Variants in PDZD2 observed in about 807,000 individuals in gnomAD.
PDZD2 encodes the protein PDZ domain containing 2.
PDZD2 carries 90 observed loss-of-function variants against 220.7 expected under a neutral mutation model. That is an observed-to-expected ratio of 0.41 (90% CI 0.34 to 0.49). The LOEUF (loss-of-function observed/expected upper bound fraction) is 0.49. Among genes scored for constraint, PDZD2 ranks in the 20% least tolerant of loss-of-function variants. The pLI is 0.28. For synonymous variants in PDZD2, 1,375 were observed against 1,450.5 expected, an observed-to-expected ratio of 0.95 and a Z score of 1.18; for missense variants, 3,174 against 3,608.5, an observed-to-expected ratio of 0.88 and a Z score of 3.08.
At chr5:31,685,817 A>G (rs915090605) in intron 1 of PDZD2, among the ~76,000 whole-genome samples, 2 of 151,702 alleles carry the variant, frequency 1.3e-5, no homozygotes, top group Non-Finnish European at 2.9e-5. Flanking sequence ...CACCGCACCC[A>G]GCCCATATTA....
At chr5:31,974,377 T>G (rs182373947) in intron 2 of PDZD2, among the ~76,000 whole-genome samples, 1 of 152,266 alleles carries the variant, frequency 6.6e-6, no homozygotes, top group Admixed American at 6.5e-5. Context: ...AAAAATTATT[T>G]TCAATATTGG....
At chr5:31,841,274 G>A (rs568846109) in intron 2 of PDZD2, among the ~76,000 whole-genome samples, 3 of 152,238 alleles carry the variant, frequency 2.0e-5, no homozygotes, top group African/African-American at 7.2e-5. Flanking sequence ...ACACATCTGT[G>A]GGTATGAACT....
At chr5:31,954,194 G>T (rs1561178009) in intron 2 of PDZD2, among the ~76,000 whole-genome samples, 2 of 152,106 alleles carry the variant, frequency 1.3e-5, no homozygotes, top group African/African-American at 2.4e-5. Context: ...TACTCAGTCT[G>T]CTTCTCCACC....
Position 32,097,369 on chromosome 5 carries a change from A to AAATC in PDZD2, c.7942_7945dup (p.Thr2649AsnfsTer105). The AAATC allele has an allele frequency of 6.2e-7, 1 of 1,603,956 alleles. No individual in the cohort carries two copies. The highest frequency in any genetic ancestry group is 1.1e-5 in the South Asian group (1 of 90,838). ...GGCAGGAGGGACAGATGTGGAGCCA[A>AAATC]AATCAATCACGGTAAGTGACAGAGT... is the stretch of plus-strand genomic sequence containing the variant. On this transcript the variant is annotated frameshift_variant, in exon 22 of 25. Transcript: ENST00000438447. LOFTEE classifies it high-confidence loss of function.
At chr5:31,953,824 G>A (rs1273385060) in intron 2 of PDZD2, among the ~76,000 whole-genome samples, 1 of 152,048 alleles carries the variant, frequency 6.6e-6, no homozygotes, top group Non-Finnish European at 1.5e-5. Context: ...GCTAATTTTT[G>A]TATTTTTAGT....
At chr5:31,856,804 CA>C (rs1249791380) in intron 2 of PDZD2, among the ~76,000 whole-genome samples, 2 of 151,934 alleles carry the variant, frequency 1.3e-5, no homozygotes, top group East Asian at 3.9e-4. Flanking sequence ...GAGGTTTGGC[CA>C]AGTGCTTGTT....
At chr5:31,740,531 A>AAAAAAAAG (rs1750190392) in intron 1 of PDZD2, among the ~76,000 whole-genome samples, 1 of 50,422 alleles carries the variant, frequency 2.0e-5, no homozygotes, top group Non-Finnish European at 3.6e-5. Context: ...TCTCAAAAAA[A>AAAAAAAAG]AAAAAAAAAA....
At chr5:31,693,404 G>C (rs2150129574) in intron 1 of PDZD2, among the ~76,000 whole-genome samples, 1 of 152,158 alleles carries the variant, frequency 6.6e-6, no homozygotes, top group East Asian at 1.9e-4. Flanking sequence ...ACCACACCAG[G>C]CTAATTTCTG....
intron 14 of PDZD2, among the ~76,000 whole-genome samples, chr5:32,062,072 T>A (rs73074145): frequency 0.024 from 3,603 of 152,314 alleles, 140 homozygotes; most frequent in African/African-American, 0.082. Context: ...TAGATACTTT[T>A]AAAGGACAAA....
chr5:31,690,633 C>T (rs907736409), intron 1 of PDZD2, among the ~76,000 whole-genome samples: 9 of 152,188 alleles, frequency 5.9e-5, no homozygotes, highest in African/African-American at 2.2e-4. Context: ...GTTGCCCCTC[C>T]TCTTCTCTGT....
chr5:31,951,888 A>G (rs1300841837), intron 2 of PDZD2, among the ~76,000 whole-genome samples: 2 of 152,180 alleles, frequency 1.3e-5, no homozygotes, highest in Non-Finnish European at 2.9e-5. Flanking sequence ...AAGAGTATGT[A>G]TGTTTTCTTT....
intron 3 of PDZD2, among the ~76,000 whole-genome samples, chr5:31,994,383 C>T (rs1438041208): frequency 6.6e-6 from 1 of 152,032 alleles, no homozygotes; most frequent in East Asian, 1.9e-4. Flanking sequence ...ACGTGCAGCC[C>T]AGTGTCTGTG....
At chr5:31,753,289 C>A (rs1751117717) in intron 1 of PDZD2, among the ~76,000 whole-genome samples, 1 of 152,196 alleles carries the variant, frequency 6.6e-6, no homozygotes, top group Admixed American at 6.5e-5. Flanking sequence ...TGCAGGTTTT[C>A]TATGCCAGGA....
intron 1 of PDZD2, among the ~76,000 whole-genome samples, chr5:31,666,637 G>A (rs1024982065): frequency 1.3e-5 from 2 of 152,180 alleles, no homozygotes; most frequent in African/African-American, 2.4e-5. Context: ...TAACCCCATT[G>A]GGACAGAATA....
intron 8 of PDZD2, among the ~76,000 whole-genome samples, chr5:32,049,097 C>T (rs1738260263): frequency 6.6e-6 from 1 of 152,010 alleles, no homozygotes; most frequent in African/African-American, 2.4e-5. Context: ...ATCCATGGCT[C>T]ACCTGGAGTC....
chr5:32,105,352 A>G (rs886530072), intron 24 of PDZD2, among the ~76,000 whole-genome samples: 28 of 152,322 alleles, frequency 1.8e-4, no homozygotes, highest in African/African-American at 6.7e-4. Flanking sequence ...TAATCTATCA[A>G]GTTGGCCAAA....
intron 2 of PDZD2, among the ~76,000 whole-genome samples, chr5:31,977,058 A>C (rs1749855655): frequency 6.8e-6 from 1 of 148,090 alleles, no homozygotes; most frequent in African/African-American, 2.5e-5. Flanking sequence ...GCTTCCTGCC[A>C]TGTTGCCCAG....
At chr5:31,910,688 G>C (rs1377309879) in intron 2 of PDZD2, among the ~76,000 whole-genome samples, 2 of 149,476 alleles carry the variant, frequency 1.3e-5, no homozygotes. Context: ...ACCACACCCA[G>C]CCTTTTTTTT....
chr5:31,884,205 T>C (rs1740207208), intron 2 of PDZD2, among the ~76,000 whole-genome samples: 1 of 140,022 alleles, frequency 7.1e-6, no homozygotes, highest in Non-Finnish European at 1.5e-5. Context: ...AGAGCGAGAC[T>C]CCATCTCAAA....
Sources: allele counts gnomAD v4.1 joint callset (sites outside exome capture counted in the v4.1 genomes callset), GRCh38; gene constraint gnomAD v4.1.1; transcripts MANE v1.5; gene names NCBI Gene and HGNC (gene_info 2026-07-23, HGNC 2026-07-21).